The following PRSS56 variants were observed in gnomAD, a reference collection of about 807,000 sequenced individuals.
PRSS56 encodes protease, serine 56.
PRSS56 carries 55 observed loss-of-function variants against 66.8 expected under a neutral mutation model. The ratio of observed to expected loss-of-function variants is 0.82; its 90% CI spans 0.66 to 1.03. The LOEUF is 1.03. PRSS56 is among the 50% of genes least tolerant of loss of function. The probability of loss-of-function intolerance (pLI) is 0.00; values close to 1 mark genes in which losing one functional copy is unlikely to be tolerated. For missense variants in PRSS56, 869 were observed against 837.2 expected (o/e 1.04, Z -0.47); for synonymous variants, 409 against 387.9 (o/e 1.05, Z -0.64).
In PRSS56 at chr2:232,523,842, C is replaced by A. The variant is rs1691338379; in HGVS notation, c.1083C>A (p.Asp361Glu). The change falls in exon 9 of 13, where the codon GAC becomes GAA. Residue 361 changes from aspartate (D) to glutamate (E), a missense_variant. By Grantham distance (45) the Asp-to-Glu change is conservative. This residue lies in a region of PRSS56 where 551 missense variants were observed against 506.9 expected (regional missense o/e 1.09). Transcript: ENST00000617714. Reference protein sequence around the residue: ...AWDPPQELQADAARLCAFYAR... With the variant: ...AWDPPQELQAEAARLCAFYAR... ...ACCCCCCCCAGGAGCTGCAGGCAGA[C>A]GCCGCCCGGCTCTGCGCCTTCTATG... 1.3e-6 allele frequency: 2 copies of A among 1,533,332 alleles called. No homozygotes were observed. Among genetic ancestry groups the A allele is most frequent in the Non-Finnish European group, 1.7e-6 (2 of 1,146,214 alleles). The allele number at this position is 1,533,332 out of a possible 1,614,324, so 95.0% of individuals were successfully genotyped here.
rs1347393718 is a variant in PRSS56, at chr2:232,523,824, C to A, written c.1065C>A (p.Pro355=). 5 of 1,533,544 alleles carry A rather than the reference C, an allele frequency of 3.3e-6. No homozygotes were observed. The highest frequency in any genetic ancestry group is 3.9e-5 in the Admixed American group (2 of 50,946). The allele number at this position is 1,533,544 out of a possible 1,614,324, so 95.0% of individuals were successfully genotyped here. The change falls in exon 9 of 13, where the codon CCC becomes CCA. Residue 355 remains proline, a synonymous_variant. Transcript: ENST00000617714. ...GGGAGCTTCTGGCCTGGGACCCCCC[C>A]CAGGAGCTGCAGGCAGACGCCGCCC... ...SCRELLAWDP[P]QELQADAARL...
At chr2:232,522,227 G>C in intron 4 of PRSS56, 67 bp downstream of exon 4, 1 of 1,326,100 alleles carries the variant, frequency 7.5e-7, no homozygotes, top group Non-Finnish European at 9.8e-7. Flanking sequence ...CTGCCGGGTT[G>C]TCCGGCGGGC....
Position 232,525,441 on chromosome 2 carries a change from C to G in PRSS56, c.1747C>G (p.Pro583Ala). The stretch of plus-strand genomic sequence containing the variant: ...ACCCTGGATGGATGTAGGGCAGGGG[C>G]CCGGGCTGGAGAGGAAGGGGCACCA... ...EGPWMDVGQG[P>A]GLERKGHHPL... The change falls in exon 13 of 13, where the codon CCC becomes GCC. Residue 583 changes from proline to alanine, a missense_variant. Coordinates refer to ENST00000617714, the MANE Select transcript of PRSS56 (RefSeq NM_001195129.2). 6.5e-7 allele frequency: 1 copy of G among 1,530,310 alleles called. No individual in the cohort carries two copies. Among genetic ancestry groups the G allele is most frequent in the Non-Finnish European group, 8.7e-7 (1 of 1,143,564 alleles). 94.8% of individuals were successfully genotyped at this position (1,530,310 alleles called of 1,614,324 possible). A position where few individuals can be genotyped will look rare whatever the true frequency, so the allele number is the denominator to read the frequency against.
chr2:232,521,520 CCTCTT>C, intron 2 of PRSS56, 92 bp downstream of exon 2: 1 of 1,029,598 alleles, frequency 9.7e-7, no homozygotes, highest in Non-Finnish European at 1.5e-6. Flanking sequence ...TCTTCACTCT[CCTCTT>C]GGGGGCAGAG....
In PRSS56 at chr2:232,525,575, A is replaced by G. The variant is rs1691414681; in HGVS notation, c.*69A>G. 8 of 1,159,948 alleles carry G rather than the reference A, an allele frequency of 6.9e-6. No homozygotes were observed. Among genetic ancestry groups the G allele is most frequent in the Admixed American group, 3.7e-5 (1 of 27,314 alleles). 71.9% of individuals were successfully genotyped at this position (1,159,948 alleles called of 1,614,324 possible). A position where few individuals can be genotyped will look rare whatever the true frequency, so the allele number is the denominator to read the frequency against. ...CAGGGGCTGAGAGGGGTTCGGGAGC[A>G]TAATGACAAACTGTCGCTGCCCCAG... is the stretch of plus-strand genomic sequence containing the variant. On this transcript the variant is annotated 3_prime_UTR_variant, in exon 13 of 13. Transcript: ENST00000617714.
intron 4 of PRSS56, 160 bp from the exon 5 acceptor site, chr2:232,522,355 G>A (rs937645911): frequency 2.4e-5 from 19 of 797,082 alleles, no homozygotes; most frequent in African/African-American, 3.7e-5. Context: ...TGGCACGGCC[G>A]GGCGAGTTCG....
Position 232,525,310 on chromosome 2 carries a change from T to C in PRSS56, c.1616T>C (p.Leu539Pro), listed in dbSNP as rs1280502003. Residue 539 changes from leucine (L) to proline (P), a missense_variant, in exon 13 of 13, where the codon CTG (leucine) becomes CCG (proline). Leu to Pro is a moderately conservative substitution (Grantham distance 98, BLOSUM62 -3). Transcript: ENST00000617714. The part of the protein sequence containing the change: ...LGGRHVAFSG[L>P]VGLEPATLAR... ...GGCCGGCATGTGGCCTTCAGCGGCCTGGTGGGCCTGGAGCCGGCCACACTG... is the reference window on the plus strand; with the variant it reads ...GGCCGGCATGTGGCCTTCAGCGGCCCGGTGGGCCTGGAGCCGGCCACACTG... 1.3e-6 allele frequency: 2 copies of C among 1,524,018 alleles called. No homozygotes were observed. The highest frequency in any genetic ancestry group is 8.8e-7 in the Non-Finnish European group (1 of 1,138,486). 94.4% of individuals were successfully genotyped at this position (1,524,018 alleles called of 1,614,324 possible). A position where few individuals can be genotyped will look rare whatever the true frequency, so the allele number is the denominator to read the frequency against.
In PRSS56 at chr2:232,524,074, C is replaced by G. The variant is rs1039437230; in HGVS notation, c.1222C>G (p.Leu408Val). The G allele has an allele frequency of 6.6e-7, 1 of 1,523,812 alleles. No homozygotes were observed. Among genetic ancestry groups the G allele is most frequent in the Admixed American group, 2.0e-5 (1 of 50,294 alleles). The allele number at this position is 1,523,812 out of a possible 1,614,324, so 94.4% of individuals were successfully genotyped here. ...GCTGGCGCACACGCTGCTGGGCCTGCTGCGGAACGCGCAGGAGCTGCTCGG... is the reference window on the plus strand; with the variant it reads ...GCTGGCGCACACGCTGCTGGGCCTGGTGCGGAACGCGCAGGAGCTGCTCGG... ...RSLAHTLLGL[L>V]RNAQELLGPR... Residue 408 changes from leucine (L) to valine (V), a missense_variant, in exon 10 of 13, where the codon CTG (leucine) becomes GTG (valine). Physicochemically the swap from Leu to Val is conservative, Grantham distance 32. Around this residue, in one of 3 missense-constraint regions of PRSS56, gnomAD observed 551 missense variants for 506.9 expected, o/e 1.09. Transcript: ENST00000617714.
intron 2 of PRSS56, 82 bp downstream of exon 2, chr2:232,521,510 T>C: frequency 8.7e-7 from 1 of 1,155,766 alleles, no homozygotes; most frequent in Non-Finnish European, 1.2e-6. Flanking sequence ...TTCCCTTCAG[T>C]CTTCACTCTC....
Position 232,524,339 on chromosome 2 carries a change from C to G in PRSS56, c.1384C>G (p.Arg462Gly). 1 of 1,535,684 alleles carries G rather than the reference C, an allele frequency of 6.5e-7. No individual in the cohort carries two copies. The highest frequency in any genetic ancestry group is 2.0e-5 in the Admixed American group (1 of 50,990). The change falls in exon 11 of 13, where the codon CGG becomes GGG. Residue 462 changes from arginine to glycine, a missense_variant. Around this residue, in one of 3 missense-constraint regions of PRSS56, gnomAD observed 551 missense variants for 506.9 expected, o/e 1.09. Transcript: ENST00000617714. ...GGCTGCAGGCACTCGGTTCCCGAAG[C>G]GGAGGCCGGAGCCGCGCGGAGAAGC... ...SRAAGTRFPK[R>G]RPEPRGEANG... is the part of the protein sequence containing the mutation.
In PRSS56 at chr2:232,521,815, G is replaced by T; in HGVS notation, c.206-1G>T. ...AGACTCAAAGGTCTGTTTCTCTGCA[G>T]GATCTGGGCGCCCCAGGCCTCAAGC... On this transcript the variant is annotated splice_acceptor_variant, in intron 2 of 12. Coordinates refer to ENST00000617714, the MANE Select transcript of PRSS56 (RefSeq NM_001195129.2). LOFTEE classifies it high-confidence loss of function. 1 of 1,536,054 alleles carries T rather than the reference G, an allele frequency of 6.5e-7. No individual in the cohort carries two copies. Among genetic ancestry groups the T allele is most frequent in the Middle Eastern group, 1.7e-4 (1 of 5,990 alleles).
intron 7 of PRSS56, 60 bp downstream of exon 7, chr2:232,523,262 CTT>C: frequency 4.2e-6 from 6 of 1,423,402 alleles, no homozygotes; most frequent in Non-Finnish European, 4.6e-6. Context: ...ACTACGGCCT[CTT>C]TTCCTTCCAC....
At position 232,521,963 on chromosome 2, in the gene PRSS56, C is replaced by T. The variant is rs1304944629; in HGVS notation, c.257-8C>T. On this transcript the variant is annotated splice_polypyrimidine_tract_variant and splice_region_variant and intron_variant, in intron 3 of 12. Coordinates refer to ENST00000617714, the MANE Select transcript of PRSS56 (RefSeq NM_001195129.2). ...ATGTCCCTCGTGACACCCCTTGCCC[C>T]TTTCTAGGGCCGTGCGGCGAGAGGC... The T allele has an allele frequency of 6.8e-7, 1 of 1,476,608 alleles. No individual in the cohort carries two copies. Among genetic ancestry groups the T allele is most frequent in the South Asian group, 1.3e-5 (1 of 75,614 alleles). 91.5% of individuals were successfully genotyped at this position (1,476,608 alleles called of 1,614,324 possible).
chr2:232,522,233 C>A (rs1003994517), intron 4 of PRSS56, 73 bp downstream of exon 4: 2 of 1,304,322 alleles, frequency 1.5e-6, no homozygotes, highest in African/African-American at 1.5e-5. Context: ...GGTTGTCCGG[C>A]GGGCGACGCG....
At chr2:232,521,722 G>T (rs11902035) in intron 2 of PRSS56, 94 bp from the exon 3 acceptor site, 2 of 1,289,494 alleles carry the variant, frequency 1.6e-6, no homozygotes, top group Admixed American at 2.1e-5. Context: ...GGCTGAGCGC[G>T]AAAGGAGAGA....
rs1375858858 is a variant in PRSS56 at position 232,524,851 on chromosome 2, C to T, written c.1521+7C>T. The T allele has an allele frequency of 6.6e-7, 1 of 1,526,242 alleles. No individual in the cohort carries two copies. Among genetic ancestry groups the T allele is most frequent in the Non-Finnish European group, 8.8e-7 (1 of 1,138,010 alleles). The allele number at this position is 1,526,242 out of a possible 1,614,324, so 94.5% of individuals were successfully genotyped here. A position where few individuals can be genotyped will look rare whatever the true frequency, so the allele number is the denominator to read the frequency against. On this transcript the variant is annotated splice_region_variant and intron_variant, in intron 12 of 12. Transcript: ENST00000617714. ...GGCCATGAACTTTCATGAGGTAGGT[C>T]CCCAGGCTTCCAGACTCCTTCACGA...
intron 4 of PRSS56, 106 bp from the exon 5 acceptor site, chr2:232,522,409 C>T: frequency 9.1e-7 from 1 of 1,096,496 alleles, no homozygotes; most frequent in Non-Finnish European, 1.2e-6. Flanking sequence ...CCTCCGTGCC[C>T]CCAGGTGGAG....
rs144087001 is a variant in PRSS56, at chr2:232,523,441, G to A, written c.875G>A (p.Cys292Tyr). The A allele has an allele frequency of 1.3e-6, 2 of 1,495,542 alleles. No individual in the cohort carries two copies. The highest frequency in any genetic ancestry group is 4.9e-5 in the East Asian group (2 of 40,490). The allele number at this position is 1,495,542 out of a possible 1,614,324, so 92.6% of individuals were successfully genotyped here. The stretch of plus-strand genomic sequence containing the variant: ...GGTGACTCGGGAGGCCCCCTGACCT[G>A]TTCTGAGCCTGGCCCCCGCCCTAGA... The part of the protein sequence containing the change: ...CQGDSGGPLT[C>Y]SEPGPRPREV... Residue 292 changes from cysteine to tyrosine, a missense_variant, in exon 8 of 13, where the codon TGT (cysteine) becomes TAT (tyrosine). Transcript: ENST00000617714.
Position 232,525,320 on chromosome 2 carries a change from G to A in PRSS56, c.1626G>A (p.Leu542=). The change falls in exon 13 of 13, where the codon CTG becomes CTA. Residue 542 remains leucine (L), a synonymous_variant. Coordinates refer to ENST00000617714, the MANE Select transcript of PRSS56 (RefSeq NM_001195129.2). ...TGGCCTTCAGCGGCCTGGTGGGCCT[G>A]GAGCCGGCCACACTGGCTCGCAGCC... The part of the protein sequence containing the change: ...RHVAFSGLVG[L]EPATLARSLP... The A allele has an allele frequency of 6.6e-7, 1 of 1,525,628 alleles. No individual in the cohort carries two copies. The highest frequency in any genetic ancestry group is 8.8e-7 in the Non-Finnish European group (1 of 1,139,514). 94.5% of individuals were successfully genotyped at this position (1,525,628 alleles called of 1,614,324 possible). A position where few individuals can be genotyped will look rare whatever the true frequency, so the allele number is the denominator to read the frequency against.
Sources: gnomAD v4.1 joint callset for allele counts on GRCh38, gnomAD v4.1.1 for gene constraint, gnomAD v4.1.1 regional missense constraint, MANE v1.5 for transcripts, NCBI Gene and HGNC (gene_info 2026-07-23, HGNC 2026-07-21) for gene names.